Variants in PPFIA3 observed in about 807,000 individuals in gnomAD.
The protein encoded by PPFIA3 is PPFI scaffold protein A3.
Under a neutral mutation model 145.8 loss-of-function variants are expected in PPFIA3, and 26 were observed. The ratio of observed to expected loss-of-function variants is 0.18; its 90% CI spans 0.13 to 0.25. The LOEUF (loss-of-function observed/expected upper bound fraction) is 0.25, where lower values mean the gene tolerates loss of function less well. Ranked by LOEUF, PPFIA3 falls within the 10% of genes least tolerant of loss-of-function variation. The probability of loss-of-function intolerance (pLI) is 1.00; values close to 1 mark genes in which losing one functional copy is unlikely to be tolerated. For missense variants in PPFIA3, 1,008 were observed against 1,587.8 expected, an observed-to-expected ratio of 0.63 and a Z score of 6.21; for synonymous variants, 645 against 661.4, an observed-to-expected ratio of 0.98 and a Z score of 0.38.
chr19:49,149,989 A>G lies in PPFIA3; in HGVS notation c.3527-91A>G, dbSNP rs934696956. ...CATGTGGAGCCCGGCGATCGTTGTG[A>G]CATCGGGAAGGGAAGTCCAAAGGGA... On this transcript the variant is annotated intron_variant, in intron 28 of 29. Transcript: ENST00000334186. This position sits in a 1 kb window ranked among gnomAD's most constrained non-coding sequence, Gnocchi z 5.7. 10 of 1,424,242 alleles carry G rather than the reference A, an allele frequency of 7.0e-6. No homozygotes were observed. In the African/African-American group the frequency reaches 1.3e-4, roughly 18 times the overall value. 88.2% of individuals were successfully genotyped at this position (1,424,242 alleles called of 1,614,324 possible). A position where few individuals can be genotyped will look rare whatever the true frequency, so the allele number is the denominator to read the frequency against.
intron 5 of PPFIA3, 82 bp downstream of exon 5, chr19:49,129,536 G>T: frequency 7.0e-7 from 1 of 1,436,382 alleles, no homozygotes; most frequent in Non-Finnish European, 9.5e-7. Flanking sequence ...CGGTTGGGTG[G>T]GTTCCAGAGA....
chr19:49,141,615 T>A (rs972578898), intron 19 of PPFIA3, 102 bp downstream of exon 19: 61 of 912,652 alleles, frequency 6.7e-5, no homozygotes, highest in Admixed American at 3.9e-4. Context: ...TGTGTGTGTG[T>A]GAGAGGGTGT....
At chr19:49,146,282 C>T (rs1365310711) in intron 23 of PPFIA3, 90 bp downstream of exon 23, 5 of 1,456,844 alleles carry the variant, frequency 3.4e-6, no homozygotes, top group Non-Finnish European at 4.7e-6. Flanking sequence ...CTGCCTTCAC[C>T]AGAACATGCC....
chr19:49,143,080 G>A (rs1171251681), intron 21 of PPFIA3, 76 bp downstream of exon 21: 34 of 1,499,082 alleles, frequency 2.3e-5, no homozygotes, highest in African/African-American at 4.1e-5. Context: ...GCCAATCCTG[G>A]GCCTGCTCAC....
At position 49,130,189 on chromosome 19, in the gene PPFIA3, A is replaced by C; in HGVS notation, c.657+122A>C. The C allele has an allele frequency of 8.2e-7, 1 of 1,221,998 alleles. No homozygotes were observed. Among genetic ancestry groups the C allele is most frequent in the Non-Finnish European group, 1.1e-6 (1 of 883,886 alleles). 75.7% of individuals were successfully genotyped at this position (1,221,998 alleles called of 1,614,324 possible). ...ACGGCTGCACCTGTAAGAGTGTCACAGAGCTTGGACCTCTGATTCAGGTCA... is the reference window on the plus strand; with the variant it reads ...ACGGCTGCACCTGTAAGAGTGTCACCGAGCTTGGACCTCTGATTCAGGTCA... On this transcript the variant is annotated intron_variant, in intron 6 of 29. Transcript: ENST00000334186. The surrounding 1 kb of genome is among the most constrained non-coding windows in gnomAD (Gnocchi z 4.5).
Position 49,122,159 on chromosome 19 carries a change from C to T in PPFIA3, c.-16+2437C>T, listed in dbSNP as rs145198689. Among the ~76,000 whole-genome samples the T allele has an allele frequency of 8.1e-4, 122 of 151,198 alleles. No individual in the cohort carries two copies. In the East Asian group the frequency reaches 0.021, roughly 27 times the overall value. ...GCAATGCTGCGATCTTGGCTCACCA[C>T]AACCTCTGCCTCCCGCGTTCAAGCG... On this transcript the variant is annotated intron_variant, in intron 1 of 29. Transcript: ENST00000334186.
intron 21 of PPFIA3, among the ~76,000 whole-genome samples, chr19:49,144,939 T>G (rs2041264101): frequency 6.7e-6 from 1 of 150,246 alleles, no homozygotes; most frequent in African/African-American, 2.4e-5. Context: ...TTTCTTTTTT[T>G]TTTTTTTTTG....
rs370199974 is a variant in PPFIA3 at position 49,139,489 on chromosome 19, CA to C, written c.2077-159del. 8.2e-3 allele frequency among the ~76,000 whole-genome samples: 528 copies of C among 64,452 alleles called. 2 individuals are homozygous for C. Among genetic ancestry groups the C allele is most frequent in the African/African-American group, 0.013 (232 of 17,800 alleles). 42.3% of individuals were successfully genotyped at this position (64,452 alleles called of 152,430 possible). On this transcript the variant is annotated intron_variant, in intron 16 of 29. Coordinates refer to ENST00000334186, the MANE Select transcript of PPFIA3 (RefSeq NM_003660.4). ...GGGCCACAAGAGTGAAACTCCATCT[CA>C]AAAAAAAAAAAAAAAAAAAGTTTCT...
At chr19:49,150,185 G>C in intron 29 of PPFIA3, 34 bp downstream of exon 29, 1 of 1,560,532 alleles carries the variant, frequency 6.4e-7, no homozygotes, top group South Asian at 1.2e-5. Flanking sequence ...TGGGGGTGCG[G>C]GGCGGCACGG....
intron 1 of PPFIA3, among the ~76,000 whole-genome samples, chr19:49,122,682 A>C (rs2040949911): frequency 6.7e-6 from 1 of 148,624 alleles, no homozygotes; most frequent in African/African-American, 2.5e-5. Flanking sequence ...ATCTAATTGC[A>C]CATTCTTTTT....
chr19:49,129,569 G>T, intron 5 of PPFIA3, 115 bp downstream of exon 5: 1 of 1,138,810 alleles, frequency 8.8e-7, no homozygotes, highest in Admixed American at 2.2e-5. Flanking sequence ...GCAGGACTAG[G>T]GCAGACAAGC....
At chr19:49,148,884 C>T (rs2041309742) in intron 25 of PPFIA3, 109 bp from the exon 26 acceptor site, 19 of 1,560,548 alleles carry the variant, frequency 1.2e-5, no homozygotes, top group Non-Finnish European at 1.6e-5. Flanking sequence ...GGGGTGGAGC[C>T]AGCGTGGGGG....
rs181528309 is a variant in PPFIA3, at chr19:49,143,585, C to T, written c.2745+581C>T. Reference sequence around the variant, plus strand: ...ACAGGGTTTTGACACGTTGGCCAGACTGGTCTTGAACTCCCGACCTCAGGT... The same window carrying T: ...ACAGGGTTTTGACACGTTGGCCAGATTGGTCTTGAACTCCCGACCTCAGGT... On this transcript the variant is annotated intron_variant, in intron 21 of 29. Coordinates refer to ENST00000334186, the MANE Select transcript of PPFIA3 (RefSeq NM_003660.4). Among the ~76,000 whole-genome samples, 778 of 152,236 alleles carry T rather than the reference C, an allele frequency of 5.1e-3. 8 individuals are homozygous for T. Among genetic ancestry groups the T allele is most frequent in the African/African-American group, 0.018 (743 of 41,516 alleles).
intron 22 of PPFIA3, 41 bp from the exon 23 acceptor site, chr19:49,146,125 T>G: frequency 6.2e-7 from 1 of 1,613,638 alleles, no homozygotes; most frequent in African/African-American, 1.3e-5. Flanking sequence ...GCCTGCCCCT[T>G]AACTCACCCC....
At position 49,136,900 on chromosome 19, in the gene PPFIA3, C is replaced by A; in HGVS notation, c.1842C>A (p.Asn614Lys). Reference protein sequence around the residue: ...IMLQEQLEAINKEIKLIQEEK... With the variant: ...IMLQEQLEAIKKEIKLIQEEK... ...TTCAGGAGCAGCTGGAGGCCATCAA[C>A]AAGGAGATCAAGTGAGCCCTGGCCC... The change falls in exon 15 of 30, where the codon AAC becomes AAA. Residue 614 changes from asparagine to lysine, a missense_variant. By Grantham distance (94) the Asn-to-Lys change is moderately conservative. Coordinates refer to ENST00000334186, the MANE Select transcript of PPFIA3 (RefSeq NM_003660.4). The A allele has an allele frequency of 6.5e-7, 1 of 1,547,824 alleles. No individual in the cohort carries two copies. The highest frequency in any genetic ancestry group is 8.7e-7 in the Non-Finnish European group (1 of 1,143,766).
At chr19:49,126,589 G>A (rs7256909) in intron 1 of PPFIA3, among the ~76,000 whole-genome samples, 83,370 of 139,722 alleles carry the variant, frequency 0.6, 25,703 homozygotes, top group African/African-American at 0.74. Flanking sequence ...TTCTTTTCCC[G>A]AATGGAGTAG....
At chr19:49,126,496 C>G (rs1298594917) in intron 1 of PPFIA3, among the ~76,000 whole-genome samples, 1 of 151,974 alleles carries the variant, frequency 6.6e-6, no homozygotes. Flanking sequence ...AGTGATCTGC[C>G]CATCTCGGCC....
At position 49,143,069 on chromosome 19, in the gene PPFIA3, A is replaced by G. The variant is rs939761284; in HGVS notation, c.2745+65A>G. 6 of 1,546,414 alleles carry G rather than the reference A, an allele frequency of 3.9e-6. No individual in the cohort carries two copies. In the African/African-American group the frequency reaches 8.1e-5, roughly 21 times the overall value. On this transcript the variant is annotated intron_variant, in intron 21 of 29. Transcript: ENST00000334186. ...GAGCCCCGCCTCTTGCCCTCAGTCT[A>G]GCCAATCCTGGGCCTGCTCACTCCC... is the stretch of plus-strand genomic sequence containing the variant.
chr19:49,138,298 C>T lies in PPFIA3; in HGVS notation c.1947C>T (p.Tyr649=), dbSNP rs560767477. 7 of 1,613,486 alleles carry T rather than the reference C, an allele frequency of 4.3e-6. No individual in the cohort carries two copies. The highest frequency in any genetic ancestry group is 1.7e-5 in the Admixed American group (1 of 59,962). ...SSSGLDSLGR[Y]RSSCSLPPSL... is the part of the protein sequence containing the mutation. ...CTGGCTTGGACTCGTTGGGCCGCTACCGCAGCAGCTGCTCCCTGCCCCCCT... is the reference window on the plus strand; with the variant it reads ...CTGGCTTGGACTCGTTGGGCCGCTATCGCAGCAGCTGCTCCCTGCCCCCCT... Residue 649 remains tyrosine (Y), a synonymous_variant, in exon 16 of 30, where the codon TAC becomes TAT. Coordinates refer to ENST00000334186, the MANE Select transcript of PPFIA3 (RefSeq NM_003660.4).
Sources: allele counts gnomAD v4.1 joint callset (sites outside exome capture counted in the v4.1 genomes callset), GRCh38; gene constraint gnomAD v4.1.1; non-coding constraint Gnocchi (gnomAD v3.1); transcripts MANE v1.5; gene names NCBI Gene and HGNC (gene_info 2026-07-23, HGNC 2026-07-21).